CATSPERG: variants seen among roughly 807,000 people sequenced by gnomAD.
CATSPERG encodes the protein catsper channel auxiliary subunit gamma.
In CATSPERG, 115 loss-of-function variants were observed where a neutral mutation model predicts 145.0. The ratio of observed to expected loss-of-function variants is 0.79; its 90% CI spans 0.68 to 0.93. The LOEUF (loss-of-function observed/expected upper bound fraction) is 0.93. CATSPERG is among the 40% of genes least tolerant of loss of function. The probability of loss-of-function intolerance (pLI) is 0.00; values close to 1 mark genes in which losing one functional copy is unlikely to be tolerated. For missense variants in CATSPERG, 1,296 were observed against 1,490.1 expected, an observed-to-expected ratio of 0.87 and a Z score of 2.14; for synonymous variants, 588 against 589.0, an observed-to-expected ratio of 1.00 and a Z score of 0.02.
chr19:38,344,437 G>A, intron 6 of CATSPERG, 69 bp downstream of exon 6: 7 of 1,373,388 alleles, frequency 5.1e-6, no homozygotes, highest in South Asian at 1.2e-5. Context: ...TTACTTCCCA[G>A]ACAAGCAGCA....
intron 22 of CATSPERG, chr19:38,365,332 C>T (rs1461373306): frequency 1.5e-5 from 8 of 543,050 alleles, no homozygotes; most frequent in South Asian, 4.5e-5. Flanking sequence ...GGCTGGAGTG[C>T]GGCGGCGCGG....
intron 7 of CATSPERG, among the ~76,000 whole-genome samples, chr19:38,347,253 C>T (rs1600453357): frequency 6.6e-6 from 1 of 152,150 alleles, no homozygotes; most frequent in East Asian, 1.9e-4. Context: ...TAGTGGGCGC[C>T]TGTAATCCCA....
At chr19:38,343,818 G>A in intron 4 of CATSPERG, 94 bp downstream of exon 4, 1 of 1,447,454 alleles carries the variant, frequency 6.9e-7, no homozygotes, top group Non-Finnish European at 9.3e-7. Flanking sequence ...GAGGGTATGT[G>A]GGGGGCGGGA....
At chr19:38,345,971 C>T (rs553406438) in intron 6 of CATSPERG, among the ~76,000 whole-genome samples, 53 of 152,292 alleles carry the variant, frequency 3.5e-4, no homozygotes, top group African/African-American at 1.2e-3. Flanking sequence ...GTGGGGGAGA[C>T]AGATGGCAAA....
intron 3 of CATSPERG, among the ~76,000 whole-genome samples, chr19:38,338,905 A>AGTCTCACTCTGTTGTTGGG (rs1969889736): frequency 6.6e-6 from 1 of 151,838 alleles, no homozygotes; most frequent in Non-Finnish European, 1.5e-5. Flanking sequence ...TTTGAGATGG[A>AGTCTCACTCTGTTGTTGGG]GTCTCACTCT....
chr19:38,352,915 A>G (rs1970170278), intron 8 of CATSPERG, among the ~76,000 whole-genome samples: 1 of 151,282 alleles, frequency 6.6e-6, no homozygotes, highest in Non-Finnish European at 1.5e-5. Flanking sequence ...AGGCCAGACT[A>G]TTCAAGAGGC....
intron 20 of CATSPERG, among the ~76,000 whole-genome samples, chr19:38,363,584 T>C (rs944335588): frequency 2.6e-5 from 4 of 151,372 alleles, no homozygotes; most frequent in Non-Finnish European, 5.9e-5. Flanking sequence ...CAAAGGTCTC[T>C]GGTTTTCCTA....
At position 38,362,438 on chromosome 19, in the gene CATSPERG, C is replaced by T. The variant is rs1309688466; in HGVS notation, c.2220C>T (p.Asp740=). Residue 740 remains aspartate (D), a synonymous_variant, in exon 19 of 29, where the codon GAC becomes GAT. Transcript: ENST00000409235. ...CGGGCGGCGTGTCCATAGAAATGGA[C>T]AGCTACGAAAAGATCTACAACCTCG... The part of the protein sequence containing the change: ...RSAGGVSIEM[D]SYEKIYNLES... 1.2e-6 allele frequency: 2 copies of T among 1,613,952 alleles called. No individual in the cohort carries two copies. Among genetic ancestry groups the T allele is most frequent in the African/African-American group, 1.3e-5 (1 of 74,926 alleles).
At chr19:38,346,786 C>G (rs1211301035) in intron 7 of CATSPERG, among the ~76,000 whole-genome samples, 181 bp downstream of exon 7, 1 of 152,206 alleles carries the variant, frequency 6.6e-6, no homozygotes, top group African/African-American at 2.4e-5. Flanking sequence ...GGTTCAAACC[C>G]TGGTTCTGCC....
At chr19:38,337,793 A>ACTGCAACCTCCGCCTCC in intron 3 of CATSPERG, 147 bp downstream of exon 3, 1 of 672,342 alleles carries the variant, frequency 1.5e-6, no homozygotes, top group Non-Finnish European at 2.4e-6. Flanking sequence ...ATCTCGGCTC[A>ACTGCAACCTCCGCCTCC]CTGCAACCTC....
intron 17 of CATSPERG, 154 bp from the exon 18 acceptor site, chr19:38,362,056 T>A: frequency 2.0e-6 from 2 of 1,001,590 alleles, no homozygotes; most frequent in African/African-American, 3.2e-5. Context: ...TGTGGCCGGG[T>A]TGAAAGCAGG....
intron 8 of CATSPERG, among the ~76,000 whole-genome samples, chr19:38,353,696 CAA>C (rs34301376): frequency 9.9e-5 from 6 of 60,318 alleles, no homozygotes; most frequent in Non-Finnish European, 1.3e-4. Flanking sequence ...GATGCCATCT[CAA>C]AAAAAAAAAA....
At chr19:38,343,286 C>A (rs1969968659) in intron 3 of CATSPERG, among the ~76,000 whole-genome samples, 1 of 152,144 alleles carries the variant, frequency 6.6e-6, no homozygotes, top group Admixed American at 6.5e-5. Context: ...TCCCATGCTG[C>A]CCTTCCCTAT....
intron 8 of CATSPERG, 102 bp from the exon 9 acceptor site, chr19:38,354,608 G>A: frequency 7.2e-7 from 1 of 1,387,084 alleles, no homozygotes. Context: ...TTCAGCATGA[G>A]AGGACAGATA....
Position 38,370,623 on chromosome 19 carries a change from A to C in CATSPERG, c.3311A>C (p.Lys1104Thr), listed in dbSNP as rs1450306305. Residue 1104 changes from lysine (K) to threonine (T), a missense_variant, in exon 29 of 29, where the codon AAG becomes ACG. Lys to Thr is a moderately conservative substitution (Grantham distance 78). Transcript: ENST00000409235. ...VVKGCTMIRW[K>T]INNLIASESY... is the part of the protein sequence containing the mutation. ...AAGGGCTGCACGATGATCCGGTGGA[A>C]GATAAACAACCTCATTGCCTCAGAA... 2.5e-6 allele frequency: 4 copies of C among 1,614,148 alleles called. No homozygotes were observed. Among genetic ancestry groups the C allele is most frequent in the Non-Finnish European group, 3.4e-6 (4 of 1,180,034 alleles).
intron 9 of CATSPERG, among the ~76,000 whole-genome samples, chr19:38,355,996 C>T (rs907855688): frequency 2.6e-5 from 4 of 152,054 alleles, no homozygotes; most frequent in African/African-American, 7.2e-5. Context: ...ATCTAGGTCA[C>T]CGGGTTGATA....
chr19:38,347,259 T>C (rs1007675264), intron 7 of CATSPERG, among the ~76,000 whole-genome samples: 6 of 152,176 alleles, frequency 3.9e-5, no homozygotes, highest in African/African-American at 1.4e-4. Context: ...GCGCCTGTAA[T>C]CCCAGCTACT....
intron 22 of CATSPERG, chr19:38,365,401 G>A (rs1332217177): frequency 1.9e-5 from 7 of 364,568 alleles, no homozygotes; most frequent in Non-Finnish European, 3.6e-5. Context: ...CTCCCAAGTA[G>A]CTGGGATTAT....
intron 11 of CATSPERG, 35 bp from the exon 12 acceptor site, chr19:38,358,243 C>T (rs1234314399): frequency 1.2e-6 from 2 of 1,611,386 alleles, no homozygotes; most frequent in Non-Finnish European, 1.7e-6. Flanking sequence ...AGTGCAGGGC[C>T]TCAGGAGATT....
Sources: gnomAD v4.1 joint callset for allele counts (sites outside exome capture counted in the v4.1 genomes callset) on GRCh38, gnomAD v4.1.1 for gene constraint, MANE v1.5 for transcripts, NCBI Gene and HGNC (gene_info 2026-07-23, HGNC 2026-07-21) for gene names.